NRXN3: variants seen among roughly 807,000 people sequenced by gnomAD.
NRXN3 encodes the protein neurexin III.
In NRXN3, 32 loss-of-function variants were observed where a neutral mutation model predicts 137.6. The ratio of observed to expected loss-of-function variants is 0.23; its 90% CI spans 0.18 to 0.31. The LOEUF is 0.31. Ranked by LOEUF, NRXN3 falls within the 10% of genes least tolerant of loss-of-function variation. The probability of loss-of-function intolerance (pLI) is 1.00; values close to 1 mark genes in which losing one functional copy is unlikely to be tolerated. For missense variants in NRXN3, 1,574 were observed against 2,062.5 expected (o/e 0.76, Z 4.59); for synonymous variants, 798 against 784.5 (o/e 1.02, Z -0.29).
chr14:78,201,804 G>A (rs2061701913), intron 1 of NRXN3, among the ~76,000 whole-genome samples: 1 of 152,182 alleles, frequency 6.6e-6, no homozygotes, highest in Non-Finnish European at 1.5e-5. Context: ...AGACAGAGCT[G>A]TGGTGATGCT....
chr14:79,861,658 C>A lies in NRXN3; in HGVS notation c.4410C>A (p.Pro1470=). 1 of 1,614,128 alleles carries A rather than the reference C, an allele frequency of 6.2e-7. No individual in the cohort carries two copies. The highest frequency in any genetic ancestry group is 8.5e-7 in the Non-Finnish European group (1 of 1,180,028). The change falls in exon 21 of 21, where the codon CCC becomes CCA. Residue 1470 remains proline (P), a synonymous_variant. Transcript: ENST00000335750. This position sits in a 1 kb window ranked among gnomAD's most constrained non-coding sequence, Gnocchi z 5.4. The part of the protein sequence containing the change: ...LITSPMFRNV[P]TANPTEPGIR... ...CTTCCCCCATGTTCCGTAATGTGCC[C>A]ACAGCAAACCCCACGGAGCCGGGAA... is the stretch of plus-strand genomic sequence containing the variant.
At chr14:78,900,911 C>G (rs1417238371) in intron 10 of NRXN3, among the ~76,000 whole-genome samples, 1 of 151,944 alleles carries the variant, frequency 6.6e-6, no homozygotes, top group Non-Finnish European at 1.5e-5. Flanking sequence ...TTGATGAGCC[C>G]ATTTGACAGA....
chr14:79,753,962 A>G (rs1332086215), intron 19 of NRXN3, among the ~76,000 whole-genome samples: 1 of 152,074 alleles, frequency 6.6e-6, no homozygotes, highest in Non-Finnish European at 1.5e-5. Flanking sequence ...CACAGCAGTT[A>G]TATTGTTTTA....
chr14:79,341,783 CA>C (rs34524857), intron 15 of NRXN3, among the ~76,000 whole-genome samples: 4 of 151,394 alleles, frequency 2.6e-5, no homozygotes, highest in African/African-American at 7.3e-5. Context: ...TAGTTTGCCT[CA>C]AAAAAAAGGA....
intron 8 of NRXN3, among the ~76,000 whole-genome samples, chr14:78,717,989 T>C (rs2098441908): frequency 6.6e-6 from 1 of 152,266 alleles, no homozygotes; most frequent in South Asian, 2.1e-4. Flanking sequence ...TATTTCTAAC[T>C]TTAGGCATCC....
At chr14:78,780,718 C>T (rs769360553) in intron 8 of NRXN3, among the ~76,000 whole-genome samples, 1 of 152,164 alleles carries the variant, frequency 6.6e-6, no homozygotes, top group Non-Finnish European at 1.5e-5. Context: ...TATAGCCACA[C>T]TAGAACCTTG....
chr14:78,432,302 T>G (rs2093914012), intron 4 of NRXN3, among the ~76,000 whole-genome samples: 1 of 149,404 alleles, frequency 6.7e-6, no homozygotes, highest in Non-Finnish European at 1.5e-5. Context: ...GCACTCAGGT[T>G]TTTTTTTTTT....
chr14:79,295,685 C>A (rs897048774), intron 15 of NRXN3, among the ~76,000 whole-genome samples: 1 of 152,110 alleles, frequency 6.6e-6, no homozygotes, highest in African/African-American at 2.4e-5. Flanking sequence ...TGGGCTCCCA[C>A]CTAGCATTTT....
At chr14:78,922,467 CTGTT>C (rs1201213888) in intron 10 of NRXN3, among the ~76,000 whole-genome samples, 1 of 152,192 alleles carries the variant, frequency 6.6e-6, no homozygotes, top group Non-Finnish European at 1.5e-5. Context: ...TTGAATATGG[CTGTT>C]TGTCAGATCA....
intron 2 of NRXN3, among the ~76,000 whole-genome samples, chr14:78,269,781 C>T (rs1271536230): frequency 2.6e-5 from 4 of 152,144 alleles, no homozygotes; most frequent in African/African-American, 4.8e-5. Context: ...GCAGAACTCA[C>T]CTCCACTGAA....
At chr14:78,331,486 G>C (rs1215494202) in intron 4 of NRXN3, among the ~76,000 whole-genome samples, 1 of 152,152 alleles carries the variant, frequency 6.6e-6, no homozygotes, top group Non-Finnish European at 1.5e-5. Flanking sequence ...AAGCATCATG[G>C]GGGCAGAGAA....
intron 15 of NRXN3, among the ~76,000 whole-genome samples, chr14:79,292,134 C>A (rs759684282): frequency 1.8e-4 from 27 of 152,154 alleles, no homozygotes; most frequent in Non-Finnish European, 3.4e-4. Context: ...AAATGTAGAA[C>A]AGTTCCCGGA....
At chr14:78,706,129 C>T (rs1226002866) in intron 6 of NRXN3, among the ~76,000 whole-genome samples, 1 of 152,200 alleles carries the variant, frequency 6.6e-6, no homozygotes, top group Non-Finnish European at 1.5e-5. Flanking sequence ...AAACCTCCTT[C>T]TGTCCCTTTG....
rs112552358 is a variant in NRXN3, at chr14:78,831,259, C to T, written c.2275+20915C>T. 3.9e-3 allele frequency among the ~76,000 whole-genome samples: 598 copies of T among 152,102 alleles called. 5 individuals carry two copies. Among genetic ancestry groups the T allele is most frequent in the African/African-American group, 0.014 (573 of 41,486 alleles). On this transcript the variant is annotated intron_variant, in intron 10 of 20. Transcript: ENST00000335750. The stretch of plus-strand genomic sequence containing the variant: ...AACTGATGACGCAAGCCACGATTCT[C>T]ACTGAAAAAGAATAGAACAATATCA...
At chr14:79,229,322 T>G (rs1313570565) in intron 15 of NRXN3, among the ~76,000 whole-genome samples, 1 of 152,186 alleles carries the variant, frequency 6.6e-6, no homozygotes, top group Non-Finnish European at 1.5e-5. Context: ...AGTTGAAACA[T>G]CTATTCTGTT....
chr14:78,960,207 G>A (rs1292630383), intron 11 of NRXN3, among the ~76,000 whole-genome samples: 2 of 152,144 alleles, frequency 1.3e-5, no homozygotes, highest in Non-Finnish European at 2.9e-5. Flanking sequence ...GAAGAAAGCA[G>A]CCAGAAGGAT....
At chr14:78,948,856 T>C (rs1211261840) in intron 10 of NRXN3, among the ~76,000 whole-genome samples, 2 of 152,082 alleles carry the variant, frequency 1.3e-5, no homozygotes, top group African/African-American at 2.4e-5. Flanking sequence ...CTCAGGGATG[T>C]AAACATGGAG....
chr14:79,446,522 T>G (rs905652001), intron 15 of NRXN3, among the ~76,000 whole-genome samples: 1 of 152,310 alleles, frequency 6.6e-6, no homozygotes, highest in Admixed American at 6.5e-5. Context: ...ATATAAAAAC[T>G]TATCCTGTAA....
chr14:78,769,684 A>T (rs191382847), intron 8 of NRXN3, among the ~76,000 whole-genome samples: 2 of 152,362 alleles, frequency 1.3e-5, no homozygotes, highest in Non-Finnish European at 2.9e-5. Flanking sequence ...AAGCAGTGAC[A>T]CACCTAACCA....
Sources: gnomAD v4.1 joint callset for allele counts (sites outside exome capture counted in the v4.1 genomes callset) on GRCh38, gnomAD v4.1.1 for gene constraint, Gnocchi (gnomAD v3.1) non-coding constraint, MANE v1.5 for transcripts, NCBI Gene and HGNC (gene_info 2026-07-23, HGNC 2026-07-21) for gene names.